The following TMEM164 variants were observed in gnomAD, a reference collection of about 807,000 sequenced individuals.
The protein encoded by TMEM164 is transmembrane protein 164, also known as RP13-360B22.2.
Under a neutral mutation model 18.8 loss-of-function variants are expected in TMEM164, and 4 were observed. The observed-to-expected ratio is 0.21, with a 90% CI of 0.10 to 0.49. TMEM164 has a LOEUF of 0.49. Ranked by LOEUF, TMEM164 falls within the 20% of genes least tolerant of loss-of-function variation. TMEM164 has a pLI of 0.98. For synonymous variants in TMEM164, 86 were observed against 101.7 expected, an observed-to-expected ratio of 0.85 and a Z score of 0.93; for missense variants, 108 against 239.9, an observed-to-expected ratio of 0.45 and a Z score of 3.63.
intron 4 of TMEM164, among the ~76,000 whole-genome samples, chrX:110,140,894 A>G (rs1201478367): frequency 8.9e-6 from 1 of 111,888 alleles, no homozygotes; most frequent in Non-Finnish European, 1.9e-5. Context: ...GGCATTTCAC[A>G]GATATTACTT....
chrX:110,130,456 A>G (rs2066597258), intron 4 of TMEM164, among the ~76,000 whole-genome samples: 1 of 111,927 alleles, frequency 8.9e-6, no homozygotes, highest in African/African-American at 3.2e-5. Flanking sequence ...TATTAAGACA[A>G]TGCCTGGCAG....
intron 2 of TMEM164, among the ~76,000 whole-genome samples, chrX:110,037,342 G>A (rs73250276): frequency 0.014 from 1,549 of 111,785 alleles, 9 homozygotes; most frequent in Non-Finnish European, 0.021. Context: ...GGTGTTGCAA[G>A]GTCACCTTTG....
chrX:110,176,272 C>CA lies in TMEM164; in HGVS notation c.*2822dup. Reference sequence around the variant, plus strand: ...AACTTGTGGCATCCACTCCAAATAGCAGAGACCCAGTCACGCCTGCTTCTG... The same window carrying CA: ...AACTTGTGGCATCCACTCCAAATAGCAAGAGACCCAGTCACGCCTGCTTCTG... On this transcript the variant is annotated 3_prime_UTR_variant, in exon 7 of 7. Transcript: ENST00000372068. The CA allele has an allele frequency of 1.3e-6, 1 of 756,490 alleles. No individual in the cohort carries two copies. Among genetic ancestry groups the CA allele is most frequent in the Non-Finnish European group, 1.6e-6 (1 of 639,596 alleles). 62.3% of individuals were successfully genotyped at this position (756,490 alleles called of 1,213,427 possible).
chrX:110,043,163 G>A (rs1935169732), intron 2 of TMEM164, among the ~76,000 whole-genome samples: 1 of 112,682 alleles, frequency 8.9e-6, no homozygotes, highest in African/African-American at 3.2e-5. Context: ...GCAACAGAAT[G>A]TTAACTCACC....
intron 2 of TMEM164, among the ~76,000 whole-genome samples, chrX:110,036,458 A>G (rs752936875): frequency 3.3e-4 from 37 of 112,207 alleles, no homozygotes; most frequent in African/African-American, 1.0e-3. Context: ...TGGCATGGAC[A>G]CTGGGTAATG....
intron 3 of TMEM164, among the ~76,000 whole-genome samples, chrX:110,105,731 CAG>C (rs745823538): frequency 3.9e-4 from 34 of 86,530 alleles, no homozygotes; most frequent in Admixed American, 7.4e-4. Flanking sequence ...GACACACACA[CAG>C]AGAGAGAGAG....
At chrX:110,074,587 T>C (rs1428815593) in intron 3 of TMEM164, among the ~76,000 whole-genome samples, 1 of 112,182 alleles carries the variant, frequency 8.9e-6, no homozygotes, top group East Asian at 2.8e-4. Context: ...TTTTACAGTT[T>C]GAGAGCTTAC....
At chrX:110,032,557 A>G (rs1934565974) in intron 2 of TMEM164, among the ~76,000 whole-genome samples, 1 of 112,133 alleles carries the variant, frequency 8.9e-6, no homozygotes, top group Admixed American at 9.5e-5. Flanking sequence ...AAAGGACAGA[A>G]CATAACTAAC....
chrX:110,084,361 AG>A (rs1226450519), intron 3 of TMEM164, among the ~76,000 whole-genome samples: 2 of 77,666 alleles, frequency 2.6e-5, no homozygotes, highest in African/African-American at 9.9e-5. Flanking sequence ...ATATATATAT[AG>A]TATAGTATAT....
At chrX:110,114,739 C>T (rs535306980) in intron 4 of TMEM164, among the ~76,000 whole-genome samples, 85 of 111,734 alleles carry the variant, frequency 7.6e-4, no homozygotes, top group African/African-American at 2.5e-3. Context: ...CAGCCCTCTT[C>T]CCAGACCAAA....
chrX:110,101,546 G>A (rs2066110102), intron 3 of TMEM164, among the ~76,000 whole-genome samples: 1 of 105,714 alleles, frequency 9.5e-6, no homozygotes, highest in African/African-American at 3.5e-5. Context: ...AAATTGTATT[G>A]ACTTTTTTCA....
Position 110,171,500 on chromosome X carries a change from G to A in TMEM164, c.667G>A (p.Val223Ile), listed in dbSNP as rs758834152. The A allele has an allele frequency of 1.5e-5, 18 of 1,207,840 alleles. No homozygotes were observed. Among genetic ancestry groups the A allele is most frequent in the South Asian group, 8.8e-5 (5 of 56,734 alleles). ...CCTCATGTTCTTTTATCACTTCAGC[G>A]TCTTGCAGATCCTCGGCCTGGTAAG... ...TGLMFFYHFS[V>I]LQILGLVTEV... The change falls in exon 6 of 7, where the codon GTC becomes ATC. Residue 223 changes from valine (V) to isoleucine (I), a missense_variant. Transcript: ENST00000372068.
intron 2 of TMEM164, among the ~76,000 whole-genome samples, chrX:110,011,184 A>G (rs1312915505): frequency 8.9e-6 from 1 of 112,016 alleles, no homozygotes; most frequent in Non-Finnish European, 1.9e-5. Flanking sequence ...AAACAAAACC[A>G]AAAACAAAAA....
At chrX:110,081,063 T>G (rs1295149933) in intron 3 of TMEM164, among the ~76,000 whole-genome samples, 4 of 110,236 alleles carry the variant, frequency 3.6e-5, no homozygotes, top group African/African-American at 6.6e-5. Flanking sequence ...TGGGTGCATA[T>G]TATTCCATTG....
intron 4 of TMEM164, among the ~76,000 whole-genome samples, chrX:110,127,873 G>T (rs1404891296): frequency 8.9e-6 from 1 of 111,900 alleles, no homozygotes; most frequent in Non-Finnish European, 1.9e-5. Context: ...TGGACCCTGC[G>T]TATGATAGAG....
At chrX:110,007,194 T>G (rs1932767665) in intron 2 of TMEM164, among the ~76,000 whole-genome samples, 1 of 112,373 alleles carries the variant, frequency 8.9e-6, no homozygotes, top group Non-Finnish European at 1.9e-5. Flanking sequence ...GACTGCCAAC[T>G]GTAGTAGCAT....
At chrX:110,071,917 T>G (rs2065598065) in intron 3 of TMEM164, among the ~76,000 whole-genome samples, 1 of 109,050 alleles carries the variant, frequency 9.2e-6, no homozygotes, top group South Asian at 4.0e-4. Flanking sequence ...AAAACAAGTT[T>G]AAGGATTAAA....
intron 3 of TMEM164, among the ~76,000 whole-genome samples, chrX:110,081,070 A>G (rs1195578627): frequency 5.5e-5 from 6 of 109,841 alleles, no homozygotes; most frequent in Non-Finnish European, 1.1e-4. Flanking sequence ...ATATTATTCC[A>G]TTGTGTGGAA....
chrX:110,108,841 A>G (rs1233328797), intron 3 of TMEM164, among the ~76,000 whole-genome samples: 1 of 112,238 alleles, frequency 8.9e-6, no homozygotes, highest in Non-Finnish European at 1.9e-5. Context: ...TAACCAAAGT[A>G]TGTTCAGGAA....
Sources: allele counts gnomAD v4.1 joint callset (sites outside exome capture counted in the v4.1 genomes callset), GRCh38; gene constraint gnomAD v4.1.1; transcripts MANE v1.5; gene names NCBI Gene and HGNC (gene_info 2026-07-23, HGNC 2026-07-21).